The following INPP4B variants were observed in gnomAD, a reference collection of about 807,000 sequenced individuals.
INPP4B encodes the protein inositol polyphosphate 4-phosphatase type II.
A neutral mutation model predicts 122.5 loss-of-function variants in INPP4B; 55 were observed. The ratio of observed to expected loss-of-function variants is 0.45; its 90% CI spans 0.36 to 0.56. The LOEUF (loss-of-function observed/expected upper bound fraction) is 0.56. INPP4B is among the 20% of genes least tolerant of loss of function. The probability of loss-of-function intolerance (pLI) is 0.00; values close to 1 mark genes in which losing one functional copy is unlikely to be tolerated. For synonymous variants in INPP4B, 403 were observed against 388.7 expected (o/e 1.04, Z -0.43); for missense variants, 1,000 against 1,097.7 (o/e 0.91, Z 1.26).
At chr4:142,641,950 G>A (rs1277052887) in intron 2 of INPP4B, among the ~76,000 whole-genome samples, 1 of 152,110 alleles carries the variant, frequency 6.6e-6, no homozygotes, top group Admixed American at 6.6e-5. Context: ...ACTTTTTAAT[G>A]ATTGCCATTC....
intron 21 of INPP4B, among the ~76,000 whole-genome samples, chr4:142,117,734 A>G (rs1280915248): frequency 1.3e-5 from 2 of 150,924 alleles, no homozygotes; most frequent in Non-Finnish European, 3.0e-5. Context: ...CTGGCACAAG[A>G]CAGGGATGCC....
intron 8 of INPP4B, among the ~76,000 whole-genome samples, chr4:142,308,147 T>C (rs1764149173): frequency 6.6e-6 from 1 of 152,206 alleles, no homozygotes; most frequent in Non-Finnish European, 1.5e-5. Flanking sequence ...GGCTGCACTG[T>C]GAGTGCATAC....
At chr4:142,630,336 G>A (rs560525642) in intron 2 of INPP4B, among the ~76,000 whole-genome samples, 168 of 152,074 alleles carry the variant, frequency 1.1e-3, no homozygotes, top group African/African-American at 3.8e-3. Context: ...AACATAGTAC[G>A]TTTCTGTTTT....
intron 2 of INPP4B, among the ~76,000 whole-genome samples, chr4:142,547,189 T>C (rs1231178136): frequency 6.6e-6 from 1 of 151,882 alleles, no homozygotes; most frequent in East Asian, 1.9e-4. Flanking sequence ...TGCAAAAAGC[T>C]AGACAATTAC....
intron 1 of INPP4B, among the ~76,000 whole-genome samples, chr4:142,758,557 G>C (rs1444952): frequency 6.6e-6 from 1 of 152,136 alleles, no homozygotes; most frequent in Non-Finnish European, 1.5e-5. Flanking sequence ...GAGTGGACTA[G>C]AAAACCTCTA....
In INPP4B at chr4:142,832,758, T is replaced by TCC. The variant is rs1350962987; in HGVS notation, c.-254+13449_-254+13450dup. Among the ~76,000 whole-genome samples the TCC allele has an allele frequency of 5.3e-3, 776 of 147,516 alleles. 18 individuals are homozygous for TCC. Among genetic ancestry groups the TCC allele is most frequent in the African/African-American group, 0.02 (744 of 37,852 alleles). On this transcript the variant is annotated intron_variant, in intron 1 of 25. Transcript: ENST00000262992. ...TCTATTCACATATCACAGTCTCTACTCCCCCCCCGCATTGTCTTATACCTA... is the reference window on the plus strand; with the variant it reads ...TCTATTCACATATCACAGTCTCTACTCCCCCCCCCCGCATTGTCTTATACCTA...
At chr4:142,668,649 G>A (rs144796867) in intron 2 of INPP4B, among the ~76,000 whole-genome samples, 37 of 152,260 alleles carry the variant, frequency 2.4e-4, no homozygotes, top group Non-Finnish European at 4.7e-4. Context: ...ATTCAGACAA[G>A]TAGCAGAATA....
At chr4:142,205,809 G>C (rs1482770408) in intron 14 of INPP4B, among the ~76,000 whole-genome samples, 12 of 152,058 alleles carry the variant, frequency 7.9e-5, no homozygotes, top group Admixed American at 7.2e-4. Flanking sequence ...TTGATTGTCA[G>C]ATAGTTCTTA....
chr4:142,034,748 C>T (rs993739448), intron 25 of INPP4B, among the ~76,000 whole-genome samples: 1 of 152,142 alleles, frequency 6.6e-6, no homozygotes, highest in African/African-American at 2.4e-5. Context: ...CCAGGCACCT[C>T]CTCCTAGCCA....
At chr4:142,405,159 A>AGAGAG in intron 6 of INPP4B, 47 bp downstream of exon 6, 3 of 969,576 alleles carry the variant, frequency 3.1e-6, no homozygotes, top group South Asian at 2.7e-5. Context: ...GCGAGCCAGC[A>AGAGAG]AGAGAGAGAG....
chr4:142,789,558 C>T (rs1369787233), intron 1 of INPP4B, among the ~76,000 whole-genome samples: 1 of 151,924 alleles, frequency 6.6e-6, no homozygotes, highest in African/African-American at 2.4e-5. Flanking sequence ...TTGCAGAAAA[C>T]TACAAAATAC....
At chr4:142,558,097 A>G (rs529277541) in intron 2 of INPP4B, among the ~76,000 whole-genome samples, 1 of 152,250 alleles carries the variant, frequency 6.6e-6, no homozygotes, top group South Asian at 2.1e-4. Flanking sequence ...CACGGGTCCC[A>G]TTCTTTCATT....
At chr4:142,429,739 T>C (rs1191951429) in intron 4 of INPP4B, among the ~76,000 whole-genome samples, 1 of 152,082 alleles carries the variant, frequency 6.6e-6, no homozygotes, top group African/African-American at 2.4e-5. Flanking sequence ...AATGTTTCCA[T>C]TCCTTTGGTC....
intron 1 of INPP4B, among the ~76,000 whole-genome samples, chr4:142,753,583 G>A (rs1770050931): frequency 2.0e-5 from 3 of 151,966 alleles, no homozygotes; most frequent in South Asian, 2.1e-4. Context: ...GGCTTACTGC[G>A]ATCTAGGGAC....
intron 25 of INPP4B, among the ~76,000 whole-genome samples, chr4:142,076,674 T>G (rs1315135604): frequency 6.6e-6 from 1 of 152,032 alleles, no homozygotes; most frequent in Non-Finnish European, 1.5e-5. Flanking sequence ...CACACCAACA[T>G]GGCACATGTA....
At position 142,237,884 on chromosome 4, in the gene INPP4B, G is replaced by A. The variant is rs371070472; in HGVS notation, c.816C>T (p.His272=). The change falls in exon 12 of 26, where the codon CAC becomes CAT. Residue 272 remains histidine (H), a synonymous_variant. Coordinates refer to ENST00000262992, the MANE Select transcript of INPP4B (RefSeq NM_001101669.3). ...FHIPKELISL[H]IKEDLCRNQE... is the part of the protein sequence containing the mutation. ...CTTACCTGCACAAATCTTCTTTAAT[G>A]TGAAGGGAAATCAATTCCTTAGGAA... 1.9e-6 allele frequency: 3 copies of A among 1,568,920 alleles called. No individual in the cohort carries two copies. In the African/African-American group the frequency reaches 4.0e-5, roughly 21 times the overall value.
intron 2 of INPP4B, among the ~76,000 whole-genome samples, chr4:142,618,429 G>T (rs891173688): frequency 2.6e-5 from 4 of 151,972 alleles, no homozygotes; most frequent in African/African-American, 4.8e-5. Context: ...ATAAGCTCAC[G>T]CATGTATGAT....
intron 21 of INPP4B, among the ~76,000 whole-genome samples, chr4:142,120,844 T>C (rs964765781): frequency 2.6e-5 from 4 of 152,124 alleles, no homozygotes; most frequent in African/African-American, 7.2e-5. Flanking sequence ...ATCCAATTTA[T>C]TCTGTTTATC....
At chr4:142,686,808 C>A (rs1759411510) in intron 2 of INPP4B, among the ~76,000 whole-genome samples, 1 of 152,008 alleles carries the variant, frequency 6.6e-6, no homozygotes, top group East Asian at 1.9e-4. Flanking sequence ...AAAATGACCC[C>A]TACAGAGATG....
Sources: gnomAD v4.1 joint callset for allele counts (sites outside exome capture counted in the v4.1 genomes callset) on GRCh38, gnomAD v4.1.1 for gene constraint, MANE v1.5 for transcripts, NCBI Gene and HGNC (gene_info 2026-07-23, HGNC 2026-07-21) for gene names.